Variants in SLC8A1 observed in about 807,000 individuals in gnomAD.
The protein encoded by SLC8A1 is solute carrier family 8 member A1.
A neutral mutation model predicts 68.3 loss-of-function variants in SLC8A1; 18 were observed. That is an observed-to-expected ratio of 0.26 (90% confidence interval 0.18 to 0.39). The LOEUF (loss-of-function observed/expected upper bound fraction) is 0.39. SLC8A1 is among the 10% of genes least tolerant of loss of function. SLC8A1 has a pLI of 1.00. For missense variants in SLC8A1, 985 were observed against 1,156.7 expected, an observed-to-expected ratio of 0.85 and a Z score of 2.15; for synonymous variants, 475 against 415.5, an observed-to-expected ratio of 1.14 and a Z score of -1.74.
chr2:40,422,337 C>G (rs150819202), intron 2 of SLC8A1, among the ~76,000 whole-genome samples: 1 of 152,122 alleles, frequency 6.6e-6, no homozygotes, highest in Non-Finnish European at 1.5e-5. Flanking sequence ...ATAGGAAAAC[C>G]TCAATAGTTC....
intron 2 of SLC8A1, among the ~76,000 whole-genome samples, chr2:40,408,494 T>C (rs1233225174): frequency 6.6e-6 from 1 of 152,214 alleles, no homozygotes; most frequent in African/African-American, 2.4e-5. Context: ...TTTGGCACTT[T>C]GGACATTCCT....
At chr2:40,233,857 C>A (rs2060006785) in intron 2 of SLC8A1, among the ~76,000 whole-genome samples, 1 of 151,548 alleles carries the variant, frequency 6.6e-6, no homozygotes, top group African/African-American at 2.4e-5. Flanking sequence ...ATAGGGAATC[C>A]TTTCCCCATT....
At chr2:40,335,139 T>C (rs147332713) in intron 2 of SLC8A1, among the ~76,000 whole-genome samples, 1 of 152,224 alleles carries the variant, frequency 6.6e-6, no homozygotes, top group South Asian at 2.1e-4. Context: ...TAGTTTTGGA[T>C]ATGGATATGA....
intron 2 of SLC8A1, among the ~76,000 whole-genome samples, chr2:40,408,334 A>G (rs1347423762): frequency 6.6e-6 from 1 of 152,218 alleles, no homozygotes; most frequent in Non-Finnish European, 1.5e-5. Context: ...TAACTTATCA[A>G]CAGTTTGATA....
chr2:40,412,830 T>C (rs1156421850), intron 2 of SLC8A1, among the ~76,000 whole-genome samples: 1 of 152,192 alleles, frequency 6.6e-6, no homozygotes. Context: ...ATATTTTTGG[T>C]ATTATTGATT....
intron 2 of SLC8A1, among the ~76,000 whole-genome samples, chr2:40,218,177 C>T (rs1015597302): frequency 8.5e-5 from 13 of 152,176 alleles, no homozygotes; most frequent in Admixed American, 6.5e-5. Flanking sequence ...ATCTAAGTTA[C>T]ACTTTATCAG....
chr2:40,217,458 G>C (rs574778236), intron 2 of SLC8A1, among the ~76,000 whole-genome samples: 1 of 152,066 alleles, frequency 6.6e-6, no homozygotes, highest in Admixed American at 6.5e-5. Context: ...TTGGGCTTCA[G>C]TTTTTATTAG....
upstream of SLC8A1, among the ~76,000 whole-genome samples, chr2:40,452,814 A>G (rs1428997333): frequency 6.6e-6 from 1 of 151,114 alleles, no homozygotes; most frequent in African/African-American, 2.4e-5. Flanking sequence ...CTGTGTTGGT[A>G]TTTCCCTCAA....
chr2:40,378,792 A>G (rs1274662553), intron 2 of SLC8A1, among the ~76,000 whole-genome samples: 2 of 151,974 alleles, frequency 1.3e-5, no homozygotes, highest in East Asian at 1.9e-4. Context: ...GGCCCAGCGA[A>G]CTCACTTCTC....
intron 1 of SLC8A1, among the ~76,000 whole-genome samples, chr2:40,491,378 T>C (rs951960454): frequency 6.6e-6 from 1 of 152,128 alleles, no homozygotes; most frequent in Non-Finnish European, 1.5e-5. Context: ...CTTAAGGAGA[T>C]TTTGGGCTGA....
intron 2 of SLC8A1, among the ~76,000 whole-genome samples, chr2:40,423,208 G>A (rs966274963): frequency 2.3e-4 from 35 of 152,018 alleles, no homozygotes; most frequent in African/African-American, 7.5e-4. Flanking sequence ...CATACTCTTA[G>A]ATTTACCAAG....
chr2:40,119,265 A>C (rs2036237311), intron 7 of SLC8A1, among the ~76,000 whole-genome samples: 1 of 152,120 alleles, frequency 6.6e-6, no homozygotes, highest in Non-Finnish European at 1.5e-5. Flanking sequence ...TTTGTGTCTC[A>C]TAGGTTTTAT....
At chr2:40,305,479 T>C (rs1171209199) in intron 2 of SLC8A1, among the ~76,000 whole-genome samples, 2 of 152,136 alleles carry the variant, frequency 1.3e-5, no homozygotes, top group Non-Finnish European at 2.9e-5. Flanking sequence ...GGGAGACAAA[T>C]ATATAAATTA....
At chr2:40,276,385 C>T (rs1399743814) in intron 2 of SLC8A1, among the ~76,000 whole-genome samples, 1 of 152,186 alleles carries the variant, frequency 6.6e-6, no homozygotes, top group Non-Finnish European at 1.5e-5. Flanking sequence ...GCATTCATAT[C>T]TCACAGGCTT....
At chr2:40,450,408 T>C (rs1399180359) in intron 1 of SLC8A1, among the ~76,000 whole-genome samples, 3 of 151,680 alleles carry the variant, frequency 2.0e-5, no homozygotes, top group Non-Finnish European at 2.9e-5. Context: ...GAAAGAGAGG[T>C]ATACTTTCAG....
intron 2 of SLC8A1, among the ~76,000 whole-genome samples, chr2:40,207,834 T>G (rs1185759864): frequency 2.0e-5 from 3 of 152,068 alleles, no homozygotes; most frequent in African/African-American, 7.2e-5. Flanking sequence ...GTGTTACCCT[T>G]TGGGGCTCCC....
intron 2 of SLC8A1, among the ~76,000 whole-genome samples, chr2:40,369,331 G>T (rs1677248872): frequency 6.6e-6 from 1 of 152,058 alleles, no homozygotes; most frequent in Non-Finnish European, 1.5e-5. Context: ...TGAGCTGGTT[G>T]TTTCTAGTGT....
At chr2:40,269,837 G>C (rs917310070) in intron 2 of SLC8A1, among the ~76,000 whole-genome samples, 6 of 151,732 alleles carry the variant, frequency 4.0e-5, no homozygotes, top group Non-Finnish European at 7.4e-5. Context: ...GGGTACACGT[G>C]CACAATGTGC....
At chr2:40,409,297 A>G (rs527676117) in intron 2 of SLC8A1, among the ~76,000 whole-genome samples, 2 of 152,142 alleles carry the variant, frequency 1.3e-5, no homozygotes, top group Non-Finnish European at 2.9e-5. Flanking sequence ...GGGAAAAAAC[A>G]AATCTGTACA....
Sources: gnomAD v4.1 joint callset for allele counts (sites outside exome capture counted in the v4.1 genomes callset) on GRCh38, gnomAD v4.1.1 for gene constraint, MANE v1.5 for transcripts, NCBI Gene and HGNC (gene_info 2026-07-23, HGNC 2026-07-21) for gene names.